Variants in TSC22D1 observed in about 807,000 individuals in gnomAD.
The protein encoded by TSC22D1 is TSC22 domain family protein 1.
TSC22D1 carries 9 observed loss-of-function variants against 74.2 expected under a neutral mutation model. The ratio of observed to expected loss-of-function variants is 0.12; its 90% CI spans 0.07 to 0.21. The LOEUF is 0.21. Ranked by LOEUF, TSC22D1 falls within the 10% of genes least tolerant of loss-of-function variation. The pLI is 1.00. For missense variants in TSC22D1, 1,427 were observed against 1,304.7 expected, an observed-to-expected ratio of 1.09 and a Z score of -1.44; for synonymous variants, 586 against 492.5, an observed-to-expected ratio of 1.19 and a Z score of -2.51.
intron 1 of TSC22D1, among the ~76,000 whole-genome samples, chr13:44,497,928 T>C (rs1238603166): frequency 6.6e-6 from 1 of 152,120 alleles, no homozygotes; most frequent in Non-Finnish European, 1.5e-5. Flanking sequence ...TTCAGGATAA[T>C]ATGAAGCTCC....
intron 1 of TSC22D1, among the ~76,000 whole-genome samples, chr13:44,563,969 T>C (rs1731093137): frequency 6.6e-6 from 1 of 152,210 alleles, no homozygotes; most frequent in African/African-American, 2.4e-5. Context: ...TCTTATAATA[T>C]TATACACTCC....
At chr13:44,511,139 C>T (rs1342999225) in intron 1 of TSC22D1, among the ~76,000 whole-genome samples, 1 of 151,938 alleles carries the variant, frequency 6.6e-6, no homozygotes, top group African/African-American at 2.4e-5. Flanking sequence ...AAATATTAGC[C>T]GGGCATGGTG....
intron 1 of TSC22D1, among the ~76,000 whole-genome samples, chr13:44,475,068 G>A (rs1472796726): frequency 6.6e-6 from 1 of 151,970 alleles, no homozygotes; most frequent in African/African-American, 2.4e-5. Context: ...GTTCCAGAAG[G>A]TAGACAAGAG....
chr13:44,484,349 G>C (rs1456597729), intron 1 of TSC22D1, among the ~76,000 whole-genome samples: 5 of 152,124 alleles, frequency 3.3e-5, no homozygotes, highest in African/African-American at 9.7e-5. Flanking sequence ...AGGCTATGAA[G>C]AATATACTAA....
At position 44,574,470 on chromosome 13, in the gene TSC22D1, T is replaced by G; in HGVS notation, c.1605A>C (p.Ile535=). ...TGPQSIPAVS[I]PQSISQSQIS... ...TCTGTGACTGAGAAATACTCTGTGG[T>G]ATACTAACTGCTGGAATACTCTGTG... Residue 535 remains isoleucine (I), a synonymous_variant, in exon 1 of 3, where the codon ATA becomes ATC. Coordinates refer to ENST00000458659, the MANE Select transcript of TSC22D1 (RefSeq NM_183422.4). The G allele has an allele frequency of 6.2e-7, 1 of 1,613,986 alleles. No homozygotes were observed. Among genetic ancestry groups the G allele is most frequent in the Admixed American group, 1.7e-5 (1 of 60,014 alleles).
Position 44,574,214 on chromosome 13 carries a change from C to G in TSC22D1, c.1861G>C (p.Ala621Pro), listed in dbSNP as rs377465956. The change falls in exon 1 of 3, where the codon GCA becomes CCA. Residue 621 changes from alanine to proline, a missense_variant. Coordinates refer to ENST00000458659, the MANE Select transcript of TSC22D1 (RefSeq NM_183422.4). ...TACTGTAACTGTTGGGGTGGTGGTG[C>G]CCCTGGAAGGGGAGTTTGCACTGGA... ...APPVQTPLPG[A>P]PPPQQLQYGQ... is the part of the protein sequence containing the mutation. 5.6e-6 allele frequency: 9 copies of G among 1,614,088 alleles called. No individual in the cohort carries two copies. The highest frequency in any genetic ancestry group is 1.3e-5 in the African/African-American group (1 of 74,932).
At chr13:44,556,989 C>A (rs1436652822) in intron 1 of TSC22D1, among the ~76,000 whole-genome samples, 1 of 149,250 alleles carries the variant, frequency 6.7e-6, no homozygotes, top group Non-Finnish European at 1.5e-5. Context: ...ACTAAAAATA[C>A]AAAATTAGCC....
In TSC22D1 at chr13:44,573,449, G is replaced by A; in HGVS notation, c.2626C>T (p.Pro876Ser). ...GNLVQSVSQP[P>S]LIATNTNLPL... ...AAATTTGTATTAGTTGCTATCAAGG[G>A]AGGTTGACTAACACTTTGAACCAAA... Residue 876 changes from proline (P) to serine (S), a missense_variant, in exon 1 of 3, where the codon CCC becomes TCC. Around this residue, in one of 3 missense-constraint regions of TSC22D1, gnomAD observed 1,343 missense variants for 1,191.5 expected, o/e 1.13. Coordinates refer to ENST00000458659, the MANE Select transcript of TSC22D1 (RefSeq NM_183422.4). 3.1e-6 allele frequency: 5 copies of A among 1,614,236 alleles called. No individual in the cohort carries two copies. The highest frequency in any genetic ancestry group is 4.2e-6 in the Non-Finnish European group (5 of 1,180,044).
chr13:44,571,893 TA>T, intron 1 of TSC22D1, among the ~76,000 whole-genome samples: 1 of 152,276 alleles, frequency 6.6e-6, no homozygotes, highest in South Asian at 2.1e-4. Flanking sequence ...TCTTACCTTT[TA>T]AACAACTAAA....
At chr13:44,492,367 C>T (rs1446704280) in intron 1 of TSC22D1, among the ~76,000 whole-genome samples, 4 of 152,124 alleles carry the variant, frequency 2.6e-5, no homozygotes, top group African/African-American at 9.7e-5. Context: ...AATGGCTGTA[C>T]AGTTTTTACT....
chr13:44,468,683 T>C (rs1877432731), intron 1 of TSC22D1, among the ~76,000 whole-genome samples: 1 of 149,978 alleles, frequency 6.7e-6, no homozygotes, highest in South Asian at 2.1e-4. Context: ...CAAGTCGCTT[T>C]AGCCATTTCA....
intron 1 of TSC22D1, among the ~76,000 whole-genome samples, chr13:44,498,800 T>A (rs1240712729): frequency 1.3e-5 from 2 of 152,202 alleles, no homozygotes; most frequent in Non-Finnish European, 2.9e-5. Flanking sequence ...TGAGAATAAC[T>A]GGCAACTTGT....
At chr13:44,557,508 A>C (rs1882739717) in intron 1 of TSC22D1, among the ~76,000 whole-genome samples, 1 of 152,230 alleles carries the variant, frequency 6.6e-6, no homozygotes, top group Admixed American at 6.5e-5. Flanking sequence ...AATAAGCAAA[A>C]GGACAAGCTA....
At chr13:44,486,279 G>A (rs924380848) in intron 1 of TSC22D1, among the ~76,000 whole-genome samples, 2 of 152,036 alleles carry the variant, frequency 1.3e-5, no homozygotes, top group African/African-American at 4.8e-5. Context: ...GCATGCAAAT[G>A]CTAAAAGATG....
intron 1 of TSC22D1, among the ~76,000 whole-genome samples, chr13:44,523,626 G>A (rs1047103031): frequency 1.3e-5 from 2 of 152,196 alleles, no homozygotes; most frequent in Admixed American, 6.5e-5. Flanking sequence ...GGAGGTAGGA[G>A]TATGTGGCAC....
chr13:44,506,418 TG>T (rs1879451393), intron 1 of TSC22D1, among the ~76,000 whole-genome samples: 1 of 152,000 alleles, frequency 6.6e-6, no homozygotes, highest in Admixed American at 6.6e-5. Flanking sequence ...CGCTTATAAG[TG>T]GGAGCTGAAC....
At chr13:44,573,078 A>G (rs1595180103) in intron 1 of TSC22D1, 85 bp downstream of exon 1, 1 of 1,492,486 alleles carries the variant, frequency 6.7e-7, no homozygotes, top group Non-Finnish European at 8.9e-7. Context: ...ACAATGTTTT[A>G]GAGTCATTTT....
chr13:44,506,236 C>G (rs1008816176), intron 1 of TSC22D1, among the ~76,000 whole-genome samples: 5 of 152,120 alleles, frequency 3.3e-5, no homozygotes, highest in African/African-American at 1.2e-4. Flanking sequence ...CCCAGAAGGG[C>G]AGGTGAGTTT....
chr13:44,526,178 TCCAAAG>T (rs1306693431), intron 1 of TSC22D1, among the ~76,000 whole-genome samples: 1 of 152,106 alleles, frequency 6.6e-6, no homozygotes, highest in African/African-American at 2.4e-5. Flanking sequence ...AGTCTGAGGA[TCCAAAG>T]CAAGTGTCAG....
Sources: gnomAD v4.1 joint callset for allele counts (sites outside exome capture counted in the v4.1 genomes callset) on GRCh38, gnomAD v4.1.1 for gene constraint, gnomAD v4.1.1 regional missense constraint, MANE v1.5 for transcripts, NCBI Gene and HGNC (gene_info 2026-07-23, HGNC 2026-07-21) for gene names.